The following CTNNA2 variants were observed in gnomAD, a reference collection of about 807,000 sequenced individuals.
CTNNA2 encodes catenin alpha 2.
Under a neutral mutation model 101.0 loss-of-function variants are expected in CTNNA2, and 42 were observed. The observed-to-expected ratio is 0.42, with a 90% CI of 0.32 to 0.54. The LOEUF (loss-of-function observed/expected upper bound fraction) is 0.54. Ranked by LOEUF, CTNNA2 falls within the 20% of genes least tolerant of loss-of-function variation. The probability of loss-of-function intolerance (pLI) is 0.14; values close to 1 mark genes in which losing one functional copy is unlikely to be tolerated. For missense variants in CTNNA2, 871 were observed against 1,223.1 expected (o/e 0.71, Z 4.29); for synonymous variants, 450 against 456.4 (o/e 0.99, Z 0.18).
chr2:79,626,693 A>G (rs1011258266), intron 1 of CTNNA2, among the ~76,000 whole-genome samples: 10 of 151,424 alleles, frequency 6.6e-5, no homozygotes, highest in South Asian at 6.3e-4. Context: ...TGGGAAATGA[A>G]TATGAATCTG....
intron 7 of CTNNA2, among the ~76,000 whole-genome samples, chr2:80,033,992 A>AAG (rs1695481997): frequency 6.7e-6 from 1 of 150,102 alleles, no homozygotes; most frequent in African/African-American, 2.4e-5. Flanking sequence ...AAAAAAAAAA[A>AAG]GCACTGAAAG....
chr2:80,244,106 T>C (rs568896520), intron 7 of CTNNA2, among the ~76,000 whole-genome samples: 31 of 152,214 alleles, frequency 2.0e-4, no homozygotes, highest in Non-Finnish European at 3.8e-4. Flanking sequence ...AACTATCTAT[T>C]TTGTGAGCTT....
chr2:80,636,965 T>A (rs1319994681), intron 18 of CTNNA2, among the ~76,000 whole-genome samples: 1 of 152,200 alleles, frequency 6.6e-6, no homozygotes, highest in East Asian at 1.9e-4. Flanking sequence ...GGTATTTTCC[T>A]ATTCCCCTCA....
chr2:80,620,911 G>A (rs560335695), intron 18 of CTNNA2, among the ~76,000 whole-genome samples: 1 of 152,048 alleles, frequency 6.6e-6, no homozygotes, highest in African/African-American at 2.4e-5. Flanking sequence ...GTCTATCATG[G>A]AATGCATTGT....
intron 7 of CTNNA2, among the ~76,000 whole-genome samples, chr2:80,345,793 A>T (rs554337535): frequency 6.6e-6 from 1 of 152,310 alleles, no homozygotes; most frequent in Admixed American, 6.5e-5. Flanking sequence ...AATTTGTACT[A>T]AAATTCTAAA....
At chr2:80,343,624 G>GA (rs1441265535) in intron 7 of CTNNA2, among the ~76,000 whole-genome samples, 2 of 151,992 alleles carry the variant, frequency 1.3e-5, no homozygotes, top group African/African-American at 4.8e-5. Context: ...AGGGCACAAG[G>GA]AAAAAACAAA....
chr2:79,935,636 G>T (rs1687735323), intron 7 of CTNNA2, among the ~76,000 whole-genome samples: 1 of 152,132 alleles, frequency 6.6e-6, no homozygotes, highest in African/African-American at 2.4e-5. Context: ...AGAAGAATTG[G>T]TGTCACATTG....
At chr2:80,270,678 T>C (rs1400710538) in intron 7 of CTNNA2, among the ~76,000 whole-genome samples, 2 of 152,198 alleles carry the variant, frequency 1.3e-5, no homozygotes, top group Non-Finnish European at 2.9e-5. Flanking sequence ...CTATAATTTT[T>C]TGAGTGATAT....
At chr2:79,596,447 A>T (rs946023502) in intron 1 of CTNNA2, among the ~76,000 whole-genome samples, 2 of 152,186 alleles carry the variant, frequency 1.3e-5, no homozygotes, top group Admixed American at 6.5e-5. Flanking sequence ...TACCTTGTGT[A>T]TAAGAGAATA....
chr2:80,105,596 C>T (rs1700832951), intron 7 of CTNNA2, among the ~76,000 whole-genome samples: 1 of 152,016 alleles, frequency 6.6e-6, no homozygotes. Flanking sequence ...AATAGCCAGG[C>T]ATGGTTGGCG....
chr2:79,999,549 C>G (rs1004330101), intron 7 of CTNNA2, among the ~76,000 whole-genome samples: 1 of 152,054 alleles, frequency 6.6e-6, no homozygotes, highest in African/African-American at 2.4e-5. Flanking sequence ...CCCCACATTT[C>G]ACAAGCCTAG....
intron 9 of CTNNA2, among the ~76,000 whole-genome samples, 187 bp from the exon 10 acceptor site, chr2:80,544,795 A>G (rs1321959487): frequency 1.3e-5 from 2 of 152,194 alleles, no homozygotes; most frequent in African/African-American, 4.8e-5. Flanking sequence ...GCCTTTTCTG[A>G]CAGAAATGCC....
rs1024382601 is a variant in CTNNA2, at chr2:79,573,141, A to T, written c.-6+59934A>T. On this transcript the variant is annotated intron_variant, in intron 1 of 18. Coordinates refer to ENST00000402739, the MANE Select transcript of CTNNA2 (RefSeq NM_001282597.3). The stretch of plus-strand genomic sequence containing the variant: ...TTATCTATTTTTTAAAACAAGAAGA[A>T]TTTTAAAACAAAATTACTGTTGGAT... Among the ~76,000 whole-genome samples, 12 of 152,200 alleles carry T rather than the reference A, an allele frequency of 7.9e-5. 1 individual carries two copies. The highest frequency in any genetic ancestry group is 2.7e-4 in the African/African-American group (11 of 41,460).
intron 3 of CTNNA2, among the ~76,000 whole-genome samples, chr2:79,842,928 A>G (rs905567690): frequency 2.6e-5 from 4 of 152,200 alleles, no homozygotes; most frequent in Admixed American, 2.6e-4. Context: ...AGTAACTGGA[A>G]GAGAAGAGGT....
chr2:80,095,295 T>C (rs1451141128), intron 7 of CTNNA2, among the ~76,000 whole-genome samples: 2 of 152,226 alleles, frequency 1.3e-5, no homozygotes, highest in Non-Finnish European at 2.9e-5. Flanking sequence ...GTTTATATGC[T>C]GGATTACGTT....
intron 1 of CTNNA2, among the ~76,000 whole-genome samples, chr2:79,515,305 G>T (rs902384746): frequency 6.6e-6 from 1 of 152,232 alleles, no homozygotes; most frequent in African/African-American, 2.4e-5. Flanking sequence ...CGTGAAACAA[G>T]TGAAAGACTG....
intron 7 of CTNNA2, among the ~76,000 whole-genome samples, chr2:80,104,759 C>CA (rs1318844459): frequency 6.6e-6 from 1 of 152,160 alleles, no homozygotes; most frequent in African/African-American, 2.4e-5. Context: ...ACTTATTTGT[C>CA]ACTAAGGAGG....
intron 7 of CTNNA2, among the ~76,000 whole-genome samples, chr2:79,971,540 C>A (rs1275761989): frequency 6.6e-6 from 1 of 152,098 alleles, no homozygotes; most frequent in Admixed American, 6.5e-5. Context: ...TGCTTTCAAA[C>A]CCTGATACAT....
At chr2:79,193,414 C>T (rs975412829) in intron 1 of CTNNA2, among the ~76,000 whole-genome samples, 48 of 152,128 alleles carry the variant, frequency 3.2e-4, no homozygotes, top group African/African-American at 6.3e-4. Flanking sequence ...CAGTTACCTA[C>T]GGTGTTCCGT....
Sources: gnomAD v4.1 joint callset for allele counts (sites outside exome capture counted in the v4.1 genomes callset) on GRCh38, gnomAD v4.1.1 for gene constraint, MANE v1.5 for transcripts, NCBI Gene and HGNC (gene_info 2026-07-23, HGNC 2026-07-21) for gene names.